CACNA1E: variants seen among roughly 807,000 people sequenced by gnomAD.
CACNA1E encodes the protein voltage-dependent R-type calcium channel subunit alpha-1E.
Under a neutral mutation model 259.2 loss-of-function variants are expected in CACNA1E, and 40 were observed. The ratio of observed to expected loss-of-function variants is 0.15; its 90% CI spans 0.12 to 0.20. The LOEUF (loss-of-function observed/expected upper bound fraction) is 0.20, where lower values mean the gene tolerates loss of function less well. Ranked by LOEUF, CACNA1E falls within the 10% of genes least tolerant of loss-of-function variation. CACNA1E has a pLI of 1.00. For missense variants in CACNA1E, 1,874 were observed against 3,040.1 expected (o/e 0.62, Z 9.02); for synonymous variants, 1,104 against 1,138.5 (o/e 0.97, Z 0.61).
Position 181,390,302 on chromosome 1 carries a change from C to CTTATTTATTTAT in CACNA1E, c.-14-22812_-14-22801dup, listed in dbSNP as rs58239460. Among the ~76,000 whole-genome samples, 1,193 of 137,638 alleles carry CTTATTTATTTAT rather than the reference C, an allele frequency of 8.7e-3. 19 individuals carry two copies. The highest frequency in any genetic ancestry group is 0.03 in the African/African-American group (1,077 of 35,870). The allele number at this position is 137,638 out of a possible 152,430, so 90.3% of individuals were successfully genotyped here. A position where few individuals can be genotyped will look rare whatever the true frequency, so the allele number is the denominator to read the frequency against. On this transcript the variant is annotated intron_variant, in intron 1 of 11. Coordinates refer to the CACNA1E transcript ENST00000524607. ...TTACCCAGGAGAGGAGAGGAGACACCTTATTTATTTATTTATTTATTTATT... is the reference window on the plus strand; with the variant it reads ...TTACCCAGGAGAGGAGAGGAGACACCTTATTTATTTATTTATTTATTTATTTATTTATTTATT...
chr1:181,514,037 G>A (rs561249805), intron 3 of CACNA1E, among the ~76,000 whole-genome samples: 1 of 152,258 alleles, frequency 6.6e-6, no homozygotes, highest in African/African-American at 2.4e-5. Flanking sequence ...CAATTCATGG[G>A]TGAATGTGCT....
intron 7 of CACNA1E, among the ~76,000 whole-genome samples, chr1:181,675,910 C>T (rs1181523668): frequency 6.6e-6 from 1 of 152,200 alleles, no homozygotes; most frequent in African/African-American, 2.4e-5. Context: ...CTTGAGAACC[C>T]ATTGCAAGCC....
At chr1:181,455,953 G>A (rs1326745413) in intron 2 of CACNA1E, among the ~76,000 whole-genome samples, 1 of 152,214 alleles carries the variant, frequency 6.6e-6, no homozygotes, top group Non-Finnish European at 1.5e-5. Flanking sequence ...GGAGGAACTG[G>A]TGGCCTATGC....
intron 1 of CACNA1E, among the ~76,000 whole-genome samples, chr1:181,378,791 A>C (rs758273816): frequency 3.9e-5 from 6 of 152,226 alleles, no homozygotes; most frequent in Non-Finnish European, 8.8e-5. Flanking sequence ...TAGTGGGGAA[A>C]AACTATGTCT....
intron 2 of CACNA1E, among the ~76,000 whole-genome samples, chr1:181,437,673 G>T (rs1234966513): frequency 6.6e-6 from 1 of 152,142 alleles, no homozygotes; most frequent in Non-Finnish European, 1.5e-5. Flanking sequence ...GTAGCATGCT[G>T]TTCTAGTTTT....
At chr1:181,593,601 T>C (rs1017945507) in intron 6 of CACNA1E, among the ~76,000 whole-genome samples, 1 of 152,176 alleles carries the variant, frequency 6.6e-6, no homozygotes, top group African/African-American at 2.4e-5. Context: ...TGCAGTGGCA[T>C]GATCTCGGTT....
chr1:181,738,350 C>T lies in CACNA1E; in HGVS notation c.3553-17C>T, dbSNP rs1173801018. 14 of 1,610,346 alleles carry T rather than the reference C, an allele frequency of 8.7e-6. No homozygotes were observed. The African/African-American group carries it at 1.5e-4, about 17-fold the overall frequency. Reference sequence around the variant, plus strand: ...GGCCACACATGGTCATTTCCTTCCACCATATGTGTCTTTCAGGTCCTGAGG... The same window carrying T: ...GGCCACACATGGTCATTTCCTTCCATCATATGTGTCTTTCAGGTCCTGAGG... On this transcript the variant is annotated splice_polypyrimidine_tract_variant and intron_variant, in intron 23 of 47. Transcript: ENST00000367573.
At chr1:181,666,323 T>A (rs1164579715) in intron 7 of CACNA1E, among the ~76,000 whole-genome samples, 4 of 152,270 alleles carry the variant, frequency 2.6e-5, no homozygotes, top group South Asian at 4.1e-4. Context: ...TGCCAGGCAG[T>A]ATTCTAGATG....
chr1:181,790,422 C>T, intron 43 of CACNA1E, 23 bp from the exon 44 acceptor site: 1 of 1,485,006 alleles, frequency 6.7e-7, no homozygotes, highest in Non-Finnish European at 9.4e-7. Context: ...CTCATTACCT[C>T]TGGATTTGAC....
At chr1:181,484,069 G>A in intron 1 of CACNA1E, 59 bp downstream of exon 1, 1 of 1,530,296 alleles carries the variant, frequency 6.5e-7, no homozygotes, top group Admixed American at 1.7e-5. Context: ...CGGGTGAAGG[G>A]GGGTACCTAG....
At chr1:181,796,224 C>G (rs1370772503) in intron 46 of CACNA1E, among the ~76,000 whole-genome samples, 2 of 152,136 alleles carry the variant, frequency 1.3e-5, no homozygotes, top group East Asian at 3.9e-4. Context: ...TTTGACATAC[C>G]TGGAGAAGCC....
At chr1:181,507,524 C>T (rs1665809795) in intron 1 of CACNA1E, among the ~76,000 whole-genome samples, 1 of 152,058 alleles carries the variant, frequency 6.6e-6, no homozygotes, top group Non-Finnish European at 1.5e-5. Flanking sequence ...TGCCATGGTC[C>T]AAGGGGATAT....
intron 1 of CACNA1E, among the ~76,000 whole-genome samples, chr1:181,379,019 A>T (rs888142091): frequency 2.0e-5 from 3 of 152,244 alleles, no homozygotes; most frequent in African/African-American, 7.2e-5. Flanking sequence ...TAATGAGGAC[A>T]TAAGTCAATC....
At chr1:181,733,149 C>A in intron 20 of CACNA1E, 115 bp downstream of exon 20, 1 of 1,362,358 alleles carries the variant, frequency 7.3e-7, no homozygotes, top group Non-Finnish European at 9.7e-7. Flanking sequence ...GGAAATGATG[C>A]TGACACACAC....
chr1:181,676,063 A>G (rs1033942559), intron 7 of CACNA1E, among the ~76,000 whole-genome samples: 1 of 150,992 alleles, frequency 6.6e-6, no homozygotes, highest in Non-Finnish European at 1.5e-5. Flanking sequence ...CATGGTATAG[A>G]ATGTAAAATC....
chr1:181,674,233 A>AG (rs1404911738), intron 7 of CACNA1E, among the ~76,000 whole-genome samples: 1 of 150,710 alleles, frequency 6.6e-6, no homozygotes, highest in Non-Finnish European at 1.5e-5. Context: ...CAAAAAAAAA[A>AG]AAAAAAAAAA....
chr1:181,798,487 G>C lies in CACNA1E; in HGVS notation c.6595G>C (p.Ala2199Pro). The C allele has an allele frequency of 6.2e-7, 1 of 1,613,874 alleles. No homozygotes were observed. Among genetic ancestry groups the C allele is most frequent in the Non-Finnish European group, 8.5e-7 (1 of 1,179,880 alleles). The change falls in exon 48 of 48, where the codon GCT becomes CCT. Residue 2199 changes from alanine to proline, a missense_variant. By Grantham distance (27) the Ala-to-Pro change is conservative. Coordinates refer to ENST00000367573, the MANE Select transcript of CACNA1E (RefSeq NM_001205293.3). The surrounding 1 kb of genome is among the most constrained non-coding windows in gnomAD (Gnocchi z 4.2). ...SEEGSPLTSQ[A>P]LESNNACLTE... is the part of the protein sequence containing the mutation. ...GGAGGGCTCCCCGCTGACCTCCCAA[G>C]CTCTGGAGAGCAACAATGCTTGCCT...
intron 3 of CACNA1E, among the ~76,000 whole-genome samples, chr1:181,546,103 G>T (rs2102810876): frequency 6.6e-6 from 1 of 152,162 alleles, no homozygotes; most frequent in Admixed American, 6.5e-5. Context: ...TAAATGGAGT[G>T]TTCACCTCTA....
chr1:181,568,299 C>T (rs1650053365), intron 3 of CACNA1E, among the ~76,000 whole-genome samples: 1 of 152,156 alleles, frequency 6.6e-6, no homozygotes, highest in Non-Finnish European at 1.5e-5. Flanking sequence ...AGCACAGCCG[C>T]CCCAGGAATG....
Sources: allele counts gnomAD v4.1 joint callset (sites outside exome capture counted in the v4.1 genomes callset), GRCh38; gene constraint gnomAD v4.1.1; non-coding constraint Gnocchi (gnomAD v3.1); transcripts MANE v1.5; gene names NCBI Gene and HGNC (gene_info 2026-07-23, HGNC 2026-07-21).